ITPR2: variants seen among roughly 807,000 people sequenced by gnomAD.
ITPR2 encodes the protein inositol 1,4,5-trisphosphate-gated calcium channel ITPR2.
Under a neutral mutation model 317.1 loss-of-function variants are expected in ITPR2, and 207 were observed. The observed-to-expected ratio is 0.65, with a 90% CI of 0.58 to 0.73. ITPR2 has a LOEUF of 0.73. Among genes scored for constraint, ITPR2 ranks in the 30% least tolerant of loss-of-function variants. The pLI, the probability that ITPR2 is intolerant of heterozygous loss-of-function variation, is 0.00. For missense variants in ITPR2, 2,613 were observed against 3,284.0 expected (o/e 0.80, Z 4.99); for synonymous variants, 1,156 against 1,149.1 (o/e 1.01, Z -0.12).
At chr12:26,377,204 C>T (rs1410430278) in intron 55 of ITPR2, among the ~76,000 whole-genome samples, 1 of 152,154 alleles carries the variant, frequency 6.6e-6, no homozygotes, top group Non-Finnish European at 1.5e-5. Context: ...CAGGCATGAC[C>T]TCCATGAAGC....
intron 45 of ITPR2, among the ~76,000 whole-genome samples, chr12:26,472,488 G>T (rs1160219852): frequency 1.3e-5 from 2 of 149,320 alleles, no homozygotes; most frequent in African/African-American, 4.9e-5. Context: ...CTTCTGGGAA[G>T]TTTAAAAAAA....
intron 34 of ITPR2, among the ~76,000 whole-genome samples, chr12:26,562,155 T>C (rs1944836767): frequency 6.6e-6 from 1 of 152,222 alleles, no homozygotes; most frequent in Non-Finnish European, 1.5e-5. Flanking sequence ...TCATGAAACA[T>C]TCAAGAACTT....
intron 47 of ITPR2, 74 bp from the exon 48 acceptor site, chr12:26,436,420 C>T: frequency 2.3e-6 from 3 of 1,315,914 alleles, no homozygotes; most frequent in Non-Finnish European, 3.1e-6. Flanking sequence ...CTTACCAAAA[C>T]AATATTTTAC....
chr12:26,690,911 T>C (rs1436459176), intron 10 of ITPR2, among the ~76,000 whole-genome samples: 1 of 152,234 alleles, frequency 6.6e-6, no homozygotes. Context: ...CACCCTTAAA[T>C]AGTTCACTTA....
At chr12:26,640,483 C>A (rs553390342) in intron 21 of ITPR2, among the ~76,000 whole-genome samples, 1 of 152,086 alleles carries the variant, frequency 6.6e-6, no homozygotes, top group East Asian at 1.9e-4. Flanking sequence ...TCATTTCACT[C>A]AATAAATATT....
chr12:26,780,964 T>C (rs1042905982), intron 2 of ITPR2, among the ~76,000 whole-genome samples: 1 of 152,214 alleles, frequency 6.6e-6, no homozygotes, highest in African/African-American at 2.4e-5. Context: ...GGAGTTACAG[T>C]GTTGGCTGGG....
rs191628144 is a variant in ITPR2, at chr12:26,738,839, G to A, written c.164-13074C>T. 3.9e-5 allele frequency among the ~76,000 whole-genome samples: 6 copies of A among 151,980 alleles called. No homozygotes were observed. The East Asian group carries it at 1.2e-3, about 29-fold the overall frequency. ...TATCATGTCCTTTGGATAAGATTAG[G>A]TCTTTTCTATTTCAAATAAAAATTT... On this transcript the variant is annotated intron_variant, in intron 2 of 56. Transcript: ENST00000381340.
At chr12:26,591,079 C>CAAAA (rs34387951) in intron 32 of ITPR2, among the ~76,000 whole-genome samples, 1,879 of 43,416 alleles carry the variant, frequency 0.043, 144 homozygotes, top group Non-Finnish European at 0.064. Context: ...GACTCCATCT[C>CAAAA]AAAAAAAAAA....
intron 42 of ITPR2, among the ~76,000 whole-genome samples, chr12:26,482,415 G>A (rs1221753152): frequency 6.6e-6 from 1 of 152,152 alleles, no homozygotes; most frequent in Non-Finnish European, 1.5e-5. Flanking sequence ...ATTCTCTTAT[G>A]AGACCAAAAC....
At position 26,554,002 on chromosome 12, in the gene ITPR2, C is replaced by T. The variant is rs371749395; in HGVS notation, c.4964+2231G>A. 3.3e-5 allele frequency among the ~76,000 whole-genome samples: 5 copies of T among 152,284 alleles called. No homozygotes were observed. In the East Asian group the frequency reaches 9.7e-4, roughly 29 times the overall value. Reference sequence around the variant, plus strand: ...CTCATGTAAACACAACATCATTTTACTTCATGTGCGTGTGGGATCTGCAAT... The same window carrying T: ...CTCATGTAAACACAACATCATTTTATTTCATGTGCGTGTGGGATCTGCAAT... On this transcript the variant is annotated intron_variant, in intron 36 of 56. Coordinates refer to ENST00000381340, the MANE Select transcript of ITPR2 (RefSeq NM_002223.4).
intron 55 of ITPR2, among the ~76,000 whole-genome samples, chr12:26,364,690 A>G (rs986772311): frequency 7.2e-5 from 11 of 152,354 alleles, no homozygotes; most frequent in Non-Finnish European, 1.3e-4. Flanking sequence ...CGTCTCAGGG[A>G]AAAATACACT....
At chr12:26,787,390 C>T (rs558819135) in intron 2 of ITPR2, among the ~76,000 whole-genome samples, 1 of 152,306 alleles carries the variant, frequency 6.6e-6, no homozygotes, top group South Asian at 2.1e-4. Flanking sequence ...CAGCCTTTCA[C>T]CAGAAGGATG....
intron 26 of ITPR2, among the ~76,000 whole-genome samples, chr12:26,615,143 GC>G (rs1946347359): frequency 6.6e-6 from 1 of 151,908 alleles, no homozygotes; most frequent in Non-Finnish European, 1.5e-5. Context: ...AGATATGAGC[GC>G]ATAATCAAAG....
chr12:26,471,693 G>A (rs1942294643), intron 45 of ITPR2, among the ~76,000 whole-genome samples: 1 of 152,208 alleles, frequency 6.6e-6, no homozygotes, highest in South Asian at 2.1e-4. Flanking sequence ...GAGAGCACCA[G>A]AATAAACTGT....
In ITPR2 at chr12:26,792,320, T is replaced by C. The variant is rs538123781; in HGVS notation, c.93-2093A>G. Among the ~76,000 whole-genome samples the C allele has an allele frequency of 1.3e-4, 20 of 151,620 alleles. No individual in the cohort carries two copies. In the South Asian group the frequency reaches 4.2e-3, roughly 32 times the overall value. ...GGAAACGACAAGAAGAAGCAAGGAG[T>C]CTGAATCTGTTACAAGACATATATG... On this transcript the variant is annotated intron_variant, in intron 1 of 56. Coordinates refer to ENST00000381340, the MANE Select transcript of ITPR2 (RefSeq NM_002223.4).
chr12:26,725,603 C>T (rs1367662328), intron 3 of ITPR2, 47 bp downstream of exon 3: 3 of 1,225,422 alleles, frequency 2.4e-6, no homozygotes, highest in African/African-American at 3.0e-5. Context: ...TTTATTATTG[C>T]TGTACTTGGT....
chr12:26,666,655 A>G lies in ITPR2; in HGVS notation c.1410-604T>C, dbSNP rs138874900. ...ATGACCTATGAATAGAGACAGAGTA[A>G]GCAATCTGACACTCAAAATACTGGA... is the stretch of plus-strand genomic sequence containing the variant. On this transcript the variant is annotated intron_variant, in intron 13 of 56. Coordinates refer to ENST00000381340, the MANE Select transcript of ITPR2 (RefSeq NM_002223.4). 2.3e-4 allele frequency among the ~76,000 whole-genome samples: 35 copies of G among 152,364 alleles called. 1 individual carries two copies. The highest frequency in any genetic ancestry group is 7.9e-4 in the African/African-American group (33 of 41,584).
chr12:26,597,264 G>C, intron 30 of ITPR2, 130 bp from the exon 31 acceptor site: 1 of 1,038,048 alleles, frequency 9.6e-7, no homozygotes, highest in Non-Finnish European at 1.4e-6. Flanking sequence ...CAAAGACAGA[G>C]CTATGCTTGG....
chr12:26,569,248 T>C (rs1394301422), intron 34 of ITPR2, among the ~76,000 whole-genome samples: 1 of 151,814 alleles, frequency 6.6e-6, no homozygotes, highest in Middle Eastern at 3.2e-3. Flanking sequence ...AAAGTTCAAA[T>C]GACAAATGGC....
Sources: gnomAD v4.1 joint callset for allele counts (sites outside exome capture counted in the v4.1 genomes callset) on GRCh38, gnomAD v4.1.1 for gene constraint, MANE v1.5 for transcripts, NCBI Gene and HGNC (gene_info 2026-07-23, HGNC 2026-07-21) for gene names.